The following CNTNAP2 variants were observed in gnomAD, a reference collection of about 807,000 sequenced individuals.
CNTNAP2 encodes the protein contactin associated protein 2.
Under a neutral mutation model 155.2 loss-of-function variants are expected in CNTNAP2, and 98 were observed. The observed-to-expected ratio is 0.63, with a 90% confidence interval of 0.54 to 0.75. The LOEUF (loss-of-function observed/expected upper bound fraction) is 0.75. Ranked by LOEUF, CNTNAP2 falls within the 30% of genes least tolerant of loss-of-function variation. The pLI is 0.00. For missense variants in CNTNAP2, 1,727 were observed against 1,688.1 expected (o/e 1.02, Z -0.40); for synonymous variants, 651 against 631.2 (o/e 1.03, Z -0.47).
At chr7:147,410,243 A>C (rs1039973985) in intron 10 of CNTNAP2, among the ~76,000 whole-genome samples, 4 of 152,234 alleles carry the variant, frequency 2.6e-5, no homozygotes, top group Non-Finnish European at 5.9e-5. Context: ...TTGTGGGAAC[A>C]TGAATGGAGC....
At chr7:147,558,727 T>TCCTC (rs1800000042) in intron 11 of CNTNAP2, among the ~76,000 whole-genome samples, 1 of 151,172 alleles carries the variant, frequency 6.6e-6, no homozygotes, top group Non-Finnish European at 1.5e-5. Flanking sequence ...CTTCCTTCCT[T>TCCTC]CCTTCCTTCC....
intron 8 of CNTNAP2, among the ~76,000 whole-genome samples, chr7:147,230,611 A>C (rs902204709): frequency 3.9e-5 from 6 of 152,214 alleles, no homozygotes; most frequent in Admixed American, 2.0e-4. Context: ...TTTGATATAC[A>C]TATATAATTA....
chr7:148,201,451 T>A (rs1243624645), intron 18 of CNTNAP2, among the ~76,000 whole-genome samples: 2 of 152,236 alleles, frequency 1.3e-5, no homozygotes, highest in East Asian at 3.8e-4. Context: ...AATTTATAAT[T>A]TAGTTTTTAC....
At chr7:148,363,626 G>C (rs981623921) in intron 21 of CNTNAP2, among the ~76,000 whole-genome samples, 6 of 152,034 alleles carry the variant, frequency 3.9e-5, no homozygotes, top group African/African-American at 1.2e-4. Context: ...TTTTTTCCTT[G>C]GGTTCCTTTT....
chr7:146,295,007 A>T lies in CNTNAP2; in HGVS notation c.97+178034A>T, dbSNP rs1451692854. ...AGAGATTTTATGTTTTCATCTACAT[A>T]TACAAAATTACCATTAAGATGAAAG... On this transcript the variant is annotated intron_variant, in intron 1 of 23. Transcript: ENST00000361727. Among the ~76,000 whole-genome samples, 2 of 152,216 alleles carry T rather than the reference A, an allele frequency of 1.3e-5. 1 individual carries two copies. Among genetic ancestry groups the T allele is most frequent in the South Asian group, 4.1e-4 (2 of 4,838 alleles).
At chr7:146,749,946 T>C (rs1413112859) in intron 1 of CNTNAP2, among the ~76,000 whole-genome samples, 2 of 152,204 alleles carry the variant, frequency 1.3e-5, no homozygotes, top group Non-Finnish European at 1.5e-5. Context: ...GTAGTGGTGA[T>C]GAAAGGCACA....
At chr7:147,648,499 ACT>A (rs1162160198) in intron 13 of CNTNAP2, among the ~76,000 whole-genome samples, 7 of 152,180 alleles carry the variant, frequency 4.6e-5, no homozygotes, top group Non-Finnish European at 1.0e-4. Context: ...CATACCTGAG[ACT>A]GGGCAATTTA....
intron 14 of CNTNAP2, among the ~76,000 whole-genome samples, chr7:147,950,933 G>T (rs910612295): frequency 2.6e-5 from 4 of 152,158 alleles, no homozygotes; most frequent in African/African-American, 9.7e-5. Flanking sequence ...ACAATTAACT[G>T]CTCTGGCCCA....
chr7:146,405,393 A>G (rs908444244), intron 1 of CNTNAP2, among the ~76,000 whole-genome samples: 1 of 152,214 alleles, frequency 6.6e-6, no homozygotes, highest in Non-Finnish European at 1.5e-5. Context: ...ATACCTAACA[A>G]AAGTTTGTTA....
chr7:147,319,647 G>A (rs567855235), intron 9 of CNTNAP2, among the ~76,000 whole-genome samples: 2 of 152,226 alleles, frequency 1.3e-5, no homozygotes, highest in South Asian at 2.1e-4. Context: ...CAAATTGCTG[G>A]GATTACAGGC....
At chr7:146,750,872 T>C (rs1180933881) in intron 1 of CNTNAP2, among the ~76,000 whole-genome samples, 4 of 152,190 alleles carry the variant, frequency 2.6e-5, no homozygotes, top group African/African-American at 9.7e-5. Context: ...AGTGTTTATG[T>C]AGTAATTAAT....
At chr7:146,821,047 C>T (rs1031070953) in intron 2 of CNTNAP2, among the ~76,000 whole-genome samples, 7 of 152,176 alleles carry the variant, frequency 4.6e-5, no homozygotes, top group African/African-American at 1.7e-4. Context: ...TTATTTTGAG[C>T]CTATGTGTGT....
At chr7:146,257,953 C>T (rs1268278335) in intron 1 of CNTNAP2, among the ~76,000 whole-genome samples, 1 of 149,992 alleles carries the variant, frequency 6.7e-6, no homozygotes, top group Non-Finnish European at 1.5e-5. Context: ...GGTGTGATCT[C>T]GGCCTCAGCT....
chr7:148,320,288 T>G (rs1797766833), intron 21 of CNTNAP2, among the ~76,000 whole-genome samples: 1 of 152,164 alleles, frequency 6.6e-6, no homozygotes, highest in Admixed American at 6.5e-5. Flanking sequence ...GCCTGTTTTT[T>G]TCTTCTCTTT....
intron 1 of CNTNAP2, among the ~76,000 whole-genome samples, chr7:146,629,341 A>G (rs1335231292): frequency 6.6e-6 from 1 of 152,182 alleles, no homozygotes; most frequent in Non-Finnish European, 1.5e-5. Flanking sequence ...TACTTTTAAT[A>G]ATAACCCTTC....
chr7:147,632,876 C>G (rs761260276), intron 12 of CNTNAP2, among the ~76,000 whole-genome samples: 4 of 152,116 alleles, frequency 2.6e-5, no homozygotes, highest in Non-Finnish European at 4.4e-5. Flanking sequence ...AGATGAGGAA[C>G]TTATTGGGAA....
intron 1 of CNTNAP2, among the ~76,000 whole-genome samples, chr7:146,680,288 A>G (rs934602172): frequency 1.1e-4 from 16 of 152,212 alleles, no homozygotes; most frequent in Non-Finnish European, 2.2e-4. Flanking sequence ...AATTTAAAAA[A>G]CAAAACAAAA....
intron 12 of CNTNAP2, among the ~76,000 whole-genome samples, chr7:147,630,200 T>C (rs1289925085): frequency 2.0e-5 from 3 of 149,742 alleles, no homozygotes; most frequent in African/African-American, 7.4e-5. Flanking sequence ...ATTTACAAAC[T>C]AGAAATCTAA....
At chr7:147,466,753 A>G (rs545253716) in intron 10 of CNTNAP2, among the ~76,000 whole-genome samples, 1 of 152,248 alleles carries the variant, frequency 6.6e-6, no homozygotes, top group African/African-American at 2.4e-5. Context: ...CCCCGTCTCT[A>G]CTAAAAATAC....
Sources: allele counts gnomAD v4.1 joint callset (sites outside exome capture counted in the v4.1 genomes callset), GRCh38; gene constraint gnomAD v4.1.1; transcripts MANE v1.5; gene names NCBI Gene and HGNC (gene_info 2026-07-23, HGNC 2026-07-21).